SH3D19: variants seen among roughly 807,000 people sequenced by gnomAD.
The protein encoded by SH3D19 is SH3 domain-containing protein 19.
Under a neutral mutation model 112.1 loss-of-function variants are expected in SH3D19, and 58 were observed. The ratio of observed to expected loss-of-function variants is 0.52; its 90% confidence interval spans 0.42 to 0.64. The LOEUF is 0.64. Ranked by LOEUF, SH3D19 falls within the 30% of genes least tolerant of loss-of-function variation. SH3D19 has a pLI of 0.00. For missense variants in SH3D19, 1,090 were observed against 1,263.4 expected (o/e 0.86, Z 2.08); for synonymous variants, 391 against 448.5 (o/e 0.87, Z 1.62).
intron 14 of SH3D19, 89 bp from the exon 15 acceptor site, chr4:151,135,221 C>T: frequency 9.5e-7 from 1 of 1,052,678 alleles, no homozygotes; most frequent in Non-Finnish European, 1.4e-6. Context: ...AAGTACATGA[C>T]TGAAATCGAT....
Position 151,175,564 on chromosome 4 carries a change from A to C in SH3D19, c.640T>G (p.Cys214Gly), listed in dbSNP as rs1759810463. The C allele has an allele frequency of 1.5e-6, 2 of 1,352,108 alleles. No individual in the cohort carries two copies. Among genetic ancestry groups the C allele is most frequent in the Admixed American group, 3.5e-5 (1 of 28,386 alleles). 83.8% of individuals were successfully genotyped at this position (1,352,108 alleles called of 1,614,324 possible). A position where few individuals can be genotyped will look rare whatever the true frequency, so the allele number is the denominator to read the frequency against. ...IVFDISEEPN[C>G]PENPSATRCP... ...CTTGTAGCACTGGGGTTTTCTGGAC[A>C]ATTCGGTTCTTCAGAAATATCAAAG... The change falls in exon 7 of 20, where the codon TGT becomes GGT. Residue 214 changes from cysteine (C) to glycine (G), a missense_variant. Cys to Gly is a radical substitution (Grantham distance 159, BLOSUM62 -3). Coordinates refer to ENST00000604030, the MANE Select transcript of SH3D19 (RefSeq NM_001378122.1).
intron 1 of SH3D19, among the ~76,000 whole-genome samples, chr4:151,271,342 A>C (rs1223147662): frequency 6.6e-6 from 1 of 152,242 alleles, no homozygotes. Flanking sequence ...CCTTTCTGTT[A>C]ATACAGATAA....
chr4:151,242,136 G>T (rs1056324609), intron 1 of SH3D19, among the ~76,000 whole-genome samples: 1 of 151,704 alleles, frequency 6.6e-6, no homozygotes, highest in African/African-American at 2.4e-5. Flanking sequence ...GGCTCCAGTG[G>T]AGCATACCAC....
At chr4:151,165,329 G>A (rs930955037) in intron 8 of SH3D19, among the ~76,000 whole-genome samples, 4 of 151,752 alleles carry the variant, frequency 2.6e-5, no homozygotes, top group Non-Finnish European at 5.9e-5. Context: ...GTGAGAGAGC[G>A]TGACTCCCAA....
At chr4:151,177,434 C>T (rs2407431) in intron 4 of SH3D19, among the ~76,000 whole-genome samples, 105,561 of 152,056 alleles carry the variant, frequency 0.69, 41,730 homozygotes, top group Non-Finnish European at 0.89. Flanking sequence ...CTGCAACCTC[C>T]GCCTCTCAGG....
At position 151,122,079 on chromosome 4, in the gene SH3D19, C is replaced by G. The variant is rs759912543; in HGVS notation, c.*12G>C. 1.5e-6 allele frequency: 2 copies of G among 1,340,904 alleles called. No homozygotes were observed. The highest frequency in any genetic ancestry group is 1.1e-6 in the Non-Finnish European group (1 of 935,576). The allele number at this position is 1,340,904 out of a possible 1,614,324, so 83.1% of individuals were successfully genotyped here. A position where few individuals can be genotyped will look rare whatever the true frequency, so the allele number is the denominator to read the frequency against. The stretch of plus-strand genomic sequence containing the variant: ...GAGTTCTTGTGCCAAGGAACACAGA[C>G]AAGCTTCTCCTCTAGCTGATCTGTA... On this transcript the variant is annotated 3_prime_UTR_variant, in exon 20 of 20. Coordinates refer to ENST00000604030, the MANE Select transcript of SH3D19 (RefSeq NM_001378122.1).
In SH3D19 at chr4:151,264,411, G is replaced by C. The variant is rs1325844966; in HGVS notation, c.113-38325C>G. On this transcript the variant is annotated intron_variant, in intron 1 of 19. Coordinates refer to ENST00000604030, the MANE Select transcript of SH3D19 (RefSeq NM_001378122.1). ...TCACTGCTCTCCAGCCTGGGCAACA[G>C]AGTGAGACTCTGTCTCAAAAAAAAA... Among the ~76,000 whole-genome samples, 14 of 124,070 alleles carry C rather than the reference G, an allele frequency of 1.1e-4. No homozygotes were observed. In the East Asian group the frequency reaches 2.9e-3, roughly 26 times the overall value. The allele number at this position is 124,070 out of a possible 152,430, so 81.4% of individuals were successfully genotyped here. A position where few individuals can be genotyped will look rare whatever the true frequency, so the allele number is the denominator to read the frequency against.
intron 2 of SH3D19, among the ~76,000 whole-genome samples, chr4:151,218,844 G>A (rs1767572694): frequency 6.6e-6 from 1 of 152,122 alleles, no homozygotes; most frequent in African/African-American, 2.4e-5. Context: ...CTCTCCTGTT[G>A]TAATGTGAAA....
At chr4:151,202,190 C>T (rs1490237653) in intron 2 of SH3D19, among the ~76,000 whole-genome samples, 3 of 152,020 alleles carry the variant, frequency 2.0e-5, no homozygotes, top group Middle Eastern at 3.2e-3. Context: ...AAAAAATTAG[C>T]CGGGCGTGGT....
Position 151,159,260 on chromosome 4 carries a change from C to T in SH3D19, c.1735G>A (p.Val579Ile). The change falls in exon 9 of 20, where the codon GTT becomes ATT. Residue 579 changes from valine (V) to isoleucine (I), a missense_variant. Coordinates refer to ENST00000604030, the MANE Select transcript of SH3D19 (RefSeq NM_001378122.1). Reference sequence around the variant, plus strand: ...CTTACCAAGTTTCTAGTTCTCTCAACATTACTGAGCTTTCCAGATACTGTA... The same window carrying T: ...CTTACCAAGTTTCTAGTTCTCTCAATATTACTGAGCTTTCCAGATACTGTA... ...FSTVSGKLSN[V>I]ERTRNLESNH... 6.5e-7 allele frequency: 1 copy of T among 1,544,162 alleles called. No individual in the cohort carries two copies. Among genetic ancestry groups the T allele is most frequent in the Non-Finnish European group, 8.7e-7 (1 of 1,155,278 alleles).
At chr4:151,139,278 C>G (rs948246815) in intron 13 of SH3D19, among the ~76,000 whole-genome samples, 2 of 151,940 alleles carry the variant, frequency 1.3e-5, no homozygotes, top group Non-Finnish European at 2.9e-5. Context: ...CTCAGCCTCC[C>G]GAATAGCTGG....
At chr4:151,215,025 C>T (rs1324659456) in intron 2 of SH3D19, among the ~76,000 whole-genome samples, 3 of 147,486 alleles carry the variant, frequency 2.0e-5, no homozygotes, top group Admixed American at 1.3e-4. Context: ...CTCCTCACAT[C>T]CCAGACGGGG....
chr4:151,139,436 G>A (rs1274891320), intron 13 of SH3D19, among the ~76,000 whole-genome samples: 1 of 152,222 alleles, frequency 6.6e-6, no homozygotes, highest in Non-Finnish European at 1.5e-5. Context: ...ACAGGCGTGA[G>A]CCACTGCGCC....
At chr4:151,123,717 T>G (rs1029570626) in intron 19 of SH3D19, among the ~76,000 whole-genome samples, 3 of 152,234 alleles carry the variant, frequency 2.0e-5, no homozygotes, top group Admixed American at 2.0e-4. Context: ...CTTCAGCAGA[T>G]GAAGACATAA....
chr4:151,187,330 T>C lies in SH3D19; in HGVS notation c.193+93A>G, dbSNP rs1184325901. On this transcript the variant is annotated intron_variant, in intron 3 of 19. Transcript: ENST00000604030. Reference sequence around the variant, plus strand: ...GGAGAAGCTACTCTTGGGTTCTTTGTAGATTCGTCAAATACAATCACCTGC... The same window carrying C: ...GGAGAAGCTACTCTTGGGTTCTTTGCAGATTCGTCAAATACAATCACCTGC... 4.1e-6 allele frequency: 3 copies of C among 734,852 alleles called. No homozygotes were observed. In the Admixed American group the frequency reaches 1.3e-4, roughly 32 times the overall value. 45.5% of individuals were successfully genotyped at this position (734,852 alleles called of 1,614,324 possible).
At chr4:151,202,229 G>A (rs1764502859) in intron 2 of SH3D19, among the ~76,000 whole-genome samples, 2 of 151,858 alleles carry the variant, frequency 1.3e-5, no homozygotes, top group Admixed American at 6.6e-5. Flanking sequence ...TAGCTACTAG[G>A]GAAGCTGAGG....
intron 1 of SH3D19, among the ~76,000 whole-genome samples, chr4:151,272,361 C>T (rs1186031173): frequency 2.0e-5 from 3 of 152,058 alleles, no homozygotes; most frequent in African/African-American, 7.2e-5. Context: ...GAAAGAATAG[C>T]ACTGTGGGCT....
At chr4:151,241,971 TTG>T (rs1770592629) in intron 1 of SH3D19, among the ~76,000 whole-genome samples, 78 of 151,718 alleles carry the variant, frequency 5.1e-4, no homozygotes, top group African/African-American at 1.6e-3. Flanking sequence ...GGTGTGAGGA[TTG>T]CTTGAACCCA....
chr4:151,227,747 C>A (rs981695545), intron 1 of SH3D19: 1 of 985,276 alleles, frequency 1.0e-6, no homozygotes, highest in African/African-American at 1.7e-5. Flanking sequence ...TATAACAAAG[C>A]AACAACTCTT....
Sources: allele counts gnomAD v4.1 joint callset (sites outside exome capture counted in the v4.1 genomes callset), GRCh38; gene constraint gnomAD v4.1.1; transcripts MANE v1.5; gene names NCBI Gene and HGNC (gene_info 2026-07-23, HGNC 2026-07-21).